The following PNPLA1 variants were observed in gnomAD, a reference collection of about 807,000 sequenced individuals.
PNPLA1 encodes omega-hydroxyceramide transacylase.
PNPLA1 carries 36 observed loss-of-function variants against 51.7 expected under a neutral mutation model. The ratio of observed to expected loss-of-function variants is 0.70; its 90% CI spans 0.53 to 0.92. The LOEUF (loss-of-function observed/expected upper bound fraction) is 0.92. Among genes scored for constraint, PNPLA1 ranks in the 40% least tolerant of loss-of-function variants. The pLI is 0.00. For missense variants in PNPLA1, 658 were observed against 682.5 expected, an observed-to-expected ratio of 0.96 and a Z score of 0.40; for synonymous variants, 293 against 280.1, an observed-to-expected ratio of 1.05 and a Z score of -0.46.
chr6:36,290,216 T>C (rs745324625), intron 1 of PNPLA1, among the ~76,000 whole-genome samples: 4 of 152,240 alleles, frequency 2.6e-5, no homozygotes, highest in Admixed American at 1.3e-4. Flanking sequence ...TAGCGTATCA[T>C]AGCATATTTT....
chr6:36,263,774 C>T (rs371797210), intron 1 of PNPLA1, among the ~76,000 whole-genome samples: 10 of 152,292 alleles, frequency 6.6e-5, no homozygotes, highest in East Asian at 3.9e-4. Context: ...GGTGGGGCAG[C>T]GGCGCCTCTC....
At chr6:36,255,350 C>G (rs1396976363) in intron 1 of PNPLA1, among the ~76,000 whole-genome samples, 2 of 152,094 alleles carry the variant, frequency 1.3e-5, no homozygotes, top group Non-Finnish European at 2.9e-5. Flanking sequence ...ACTAAAAATA[C>G]AAAAATTAGC....
upstream of PNPLA1, among the ~76,000 whole-genome samples, chr6:36,268,788 T>C (rs373455352): frequency 1.0e-3 from 154 of 152,324 alleles, 2 homozygotes; most frequent in South Asian, 0.019. Context: ...TGTGTGCTCC[T>C]GTCCCCCAGG....
chr6:36,253,310 A>G (rs1272507914), intron 1 of PNPLA1, among the ~76,000 whole-genome samples: 1 of 152,044 alleles, frequency 6.6e-6, no homozygotes, highest in East Asian at 1.9e-4. Flanking sequence ...TCATTTTACT[A>G]CTCCCTTACT....
intron 1 of PNPLA1, among the ~76,000 whole-genome samples, chr6:36,262,034 G>A (rs1769660738): frequency 6.6e-6 from 1 of 152,206 alleles, no homozygotes. Context: ...TCGCCTGCCA[G>A]AGCCTTTGAG....
intron 1 of PNPLA1, among the ~76,000 whole-genome samples, chr6:36,271,456 T>C (rs1305048944): frequency 6.6e-6 from 1 of 152,174 alleles, no homozygotes; most frequent in Non-Finnish European, 1.5e-5. Flanking sequence ...TCCCCGCCCT[T>C]GTGGAGCAGA....
At chr6:36,282,088 A>AGAAAGAAAGAAGGAAGGAAGGAAG (rs1554136580) in intron 1 of PNPLA1, among the ~76,000 whole-genome samples, 7 of 98,900 alleles carry the variant, frequency 7.1e-5, no homozygotes, top group East Asian at 3.0e-4. Flanking sequence ...AAAGAAAGAA[A>AGAAAGAAAGAAGGAAGGAAGGAAG]GAAGGAAGGA....
In PNPLA1 at chr6:36,301,152, A is replaced by G. The variant is rs1456951408; in HGVS notation, c.776-709A>G. 2.8e-5 allele frequency among the ~76,000 whole-genome samples: 3 copies of G among 105,974 alleles called. No individual in the cohort carries two copies. In the Admixed American group the frequency reaches 4.6e-4, roughly 16 times the overall value. The allele number at this position is 105,974 out of a possible 152,430, so 69.5% of individuals were successfully genotyped here. On this transcript the variant is annotated intron_variant, in intron 5 of 8. Coordinates refer to ENST00000636260, the MANE Select transcript of PNPLA1 (RefSeq NM_001374623.1). Reference sequence around the variant, plus strand: ...CCCACTATTTTTGAGACAGGTTCTCACTCTGTCACCCAAGCTGGAGCGTAG... The same window carrying G: ...CCCACTATTTTTGAGACAGGTTCTCGCTCTGTCACCCAAGCTGGAGCGTAG...
At chr6:36,288,554 G>A (rs955927624) in intron 1 of PNPLA1, among the ~76,000 whole-genome samples, 12 of 149,904 alleles carry the variant, frequency 8.0e-5, no homozygotes, top group African/African-American at 2.4e-4. Context: ...CCGGGTTCAC[G>A]CCATTCTCCT....
rs530573383 is a variant in PNPLA1 at position 36,257,842 on chromosome 6, G to A, written c.-81+14581G>A. 3.5e-3 allele frequency among the ~76,000 whole-genome samples: 534 copies of A among 152,260 alleles called. 2 individuals are homozygous for A. Among genetic ancestry groups the A allele is most frequent in the Non-Finnish European group, 6.4e-3 (434 of 68,026 alleles). ...CTTTGAACTGTCTCCTGAATATTGC[G>A]AGTGTACAGTGTAGGAACTCTGGAT... On this transcript the variant is annotated intron_variant, in intron 1 of 7. Coordinates refer to the PNPLA1 transcript ENST00000312917.
rs751556946 is a variant in PNPLA1, at chr6:36,306,332, G to A, written c.1425G>A (p.Val475=). 279 of 1,612,886 alleles carry A rather than the reference G, an allele frequency of 1.7e-4. 1 individual carries two copies. Among genetic ancestry groups the A allele is most frequent in the Non-Finnish European group, 1.1e-5 (13 of 1,179,630 alleles). ...LLVSSKPKSA[V]PLVHVKETVS... ...TCTCTTCAAAACCAAAAAGCGCCGT[G>A]CCTCTGGTTCATGTGAAGGAAACCG... is the stretch of plus-strand genomic sequence containing the variant. The change falls in exon 7 of 9, where the codon GTG becomes GTA. Residue 475 remains valine, a synonymous_variant. Coordinates refer to ENST00000636260, the MANE Select transcript of PNPLA1 (RefSeq NM_001374623.1).
intron 1 of PNPLA1, among the ~76,000 whole-genome samples, chr6:36,259,483 G>C (rs1436995546): frequency 6.6e-6 from 1 of 151,936 alleles, no homozygotes; most frequent in Non-Finnish European, 1.5e-5. Flanking sequence ...ACCACACAAT[G>C]GTTTTCACTG....
At chr6:36,243,484 C>A (rs181682145) in intron 1 of PNPLA1, among the ~76,000 whole-genome samples, 143 of 152,304 alleles carry the variant, frequency 9.4e-4, no homozygotes, top group African/African-American at 3.3e-3. Flanking sequence ...TTTGACAACT[C>A]AGTGGGCAAA....
rs375170494 is a variant in PNPLA1 at position 36,303,255 on chromosome 6, T to C, written c.1384+786T>C. Among the ~76,000 whole-genome samples the C allele has an allele frequency of 3.4e-4, 51 of 152,178 alleles. No individual in the cohort carries two copies. In the South Asian group the frequency reaches 5.6e-3, roughly 17 times the overall value. ...GACTACAGATGCCCGCCACCACGCC[T>C]GGCTAATTTTTTGTATTTTTAGTAA... On this transcript the variant is annotated intron_variant, in intron 6 of 8. Coordinates refer to ENST00000636260, the MANE Select transcript of PNPLA1 (RefSeq NM_001374623.1).
At chr6:36,265,704 T>A (rs1325562194), upstream of PNPLA1, among the ~76,000 whole-genome samples, 1 of 152,204 alleles carries the variant, frequency 6.6e-6, no homozygotes, top group Non-Finnish European at 1.5e-5. Flanking sequence ...CATTGAGTTA[T>A]CTGTCATCAT....
At chr6:36,289,230 T>C (rs1385675249) in intron 1 of PNPLA1, among the ~76,000 whole-genome samples, 2 of 152,308 alleles carry the variant, frequency 1.3e-5, no homozygotes, top group South Asian at 2.1e-4. Flanking sequence ...TGGCTTCTGC[T>C]GGGAGATCAG....
At chr6:36,293,196 G>C in intron 3 of PNPLA1, 70 bp downstream of exon 3, 2 of 1,427,450 alleles carry the variant, frequency 1.4e-6, no homozygotes, top group African/African-American at 1.4e-5. Flanking sequence ...ACTCACACCT[G>C]GGGGAGCAGG....
intron 1 of PNPLA1, among the ~76,000 whole-genome samples, chr6:36,272,989 T>TCTATTA (rs1191515102): frequency 6.6e-6 from 1 of 152,164 alleles, no homozygotes; most frequent in African/African-American, 2.4e-5. Flanking sequence ...TTGCAGTGGC[T>TCTATTA]CATGCCTGTA....
upstream of PNPLA1, among the ~76,000 whole-genome samples, chr6:36,268,911 A>G (rs964627281): frequency 1.3e-5 from 2 of 152,100 alleles, no homozygotes; most frequent in African/African-American, 4.8e-5. Flanking sequence ...CCACCCTGAC[A>G]CACCCGCCCC....
Sources: gnomAD v4.1 joint callset for allele counts (sites outside exome capture counted in the v4.1 genomes callset) on GRCh38, gnomAD v4.1.1 for gene constraint, MANE v1.5 for transcripts, NCBI Gene and HGNC (gene_info 2026-07-23, HGNC 2026-07-21) for gene names.